The following SHISA9 variants were observed in gnomAD, a reference collection of about 807,000 sequenced individuals.
SHISA9 encodes the protein shisa family member 9.
A neutral mutation model predicts 38.0 loss-of-function variants in SHISA9; 13 were observed. The observed-to-expected ratio is 0.34, with a 90% CI of 0.22 to 0.54. The LOEUF (loss-of-function observed/expected upper bound fraction) is 0.54, where lower values mean the gene tolerates loss of function less well. SHISA9 is among the 20% of genes least tolerant of loss of function. The pLI is 0.91. For missense variants in SHISA9, 538 were observed against 575.8 expected, an observed-to-expected ratio of 0.93 and a Z score of 0.67; for synonymous variants, 275 against 242.0, an observed-to-expected ratio of 1.14 and a Z score of -1.27.
intron 1 of SHISA9, among the ~76,000 whole-genome samples, chr16:12,907,530 A>C (rs2071118935): frequency 6.6e-6 from 1 of 152,102 alleles, no homozygotes; most frequent in South Asian, 2.1e-4. Flanking sequence ...GCACAATTCC[A>C]TTATCACACC....
At chr16:13,464,203 T>C in the SHISA9 span, among the ~76,000 whole-genome samples, 3 of 152,234 alleles carry the variant, frequency 2.0e-5, no homozygotes, top group Non-Finnish European at 4.4e-5. Context: ...GTAAGTGTGC[T>C]ACCTAGCACT....
chr16:13,493,223 C>CA, the SHISA9 span, among the ~76,000 whole-genome samples: 42,701 of 151,392 alleles, frequency 0.28, 6,521 homozygotes, highest in East Asian at 0.37. Context: ...CACTCATCAT[C>CA]AGTTGGAGGA....
the SHISA9 span, among the ~76,000 whole-genome samples, chr16:13,454,595 A>G: frequency 6.6e-6 from 1 of 152,188 alleles, no homozygotes; most frequent in African/African-American, 2.4e-5. Context: ...CCGAAGTCAC[A>G]CAGATAGTGA....
chr16:13,499,315 T>G, the SHISA9 span, among the ~76,000 whole-genome samples: 1 of 152,148 alleles, frequency 6.6e-6, no homozygotes, highest in African/African-American at 2.4e-5. Flanking sequence ...AAGAAAGAGA[T>G]GGATTAAATC....
intron 2 of SHISA9, among the ~76,000 whole-genome samples, chr16:13,201,095 G>A (rs986286912): frequency 7.4e-6 from 1 of 135,400 alleles, no homozygotes; most frequent in Non-Finnish European, 1.6e-5. Flanking sequence ...GGGGCTCCAA[G>A]TAAAGTCCAG....
At chr16:13,360,740 G>T in the SHISA9 span, among the ~76,000 whole-genome samples, 1 of 152,164 alleles carries the variant, frequency 6.6e-6, no homozygotes, top group African/African-American at 2.4e-5. Flanking sequence ...AGGTGGAGCC[G>T]AGGAGCTTAG....
intron 2 of SHISA9, among the ~76,000 whole-genome samples, chr16:13,130,931 C>G (rs2050301085): frequency 6.6e-6 from 1 of 152,128 alleles, no homozygotes; most frequent in Non-Finnish European, 1.5e-5. Context: ...TCACACCAGT[C>G]AGAATGGGGA....
At chr16:13,210,741 G>A (rs561255263) in intron 3 of SHISA9, among the ~76,000 whole-genome samples, 29 of 152,276 alleles carry the variant, frequency 1.9e-4, no homozygotes, top group Middle Eastern at 3.4e-3. Context: ...AGTACCCCCC[G>A]TTTTGCAGAT....
chr16:13,263,703 T>G, the SHISA9 span, among the ~76,000 whole-genome samples: 1 of 152,174 alleles, frequency 6.6e-6, no homozygotes, highest in South Asian at 2.1e-4. Context: ...GACATATAAT[T>G]CCTACATGAC....
At chr16:13,061,207 A>G (rs553126023) in intron 2 of SHISA9, among the ~76,000 whole-genome samples, 4 of 152,320 alleles carry the variant, frequency 2.6e-5, no homozygotes, top group Non-Finnish European at 4.4e-5. Context: ...ACCTACTAGA[A>G]TAGTTATCTG....
chr16:13,129,691 C>A (rs2141985883), intron 2 of SHISA9, among the ~76,000 whole-genome samples: 1 of 152,280 alleles, frequency 6.6e-6, no homozygotes, highest in East Asian at 1.9e-4. Flanking sequence ...CTTTGGAGGG[C>A]TCAGAGGAGC....
chr16:12,906,786 C>T (rs537785626), intron 1 of SHISA9, among the ~76,000 whole-genome samples: 5 of 152,226 alleles, frequency 3.3e-5, no homozygotes, highest in South Asian at 2.1e-4. Context: ...GAGAATCCTG[C>T]GTTGTACGGG....
intron 2 of SHISA9, among the ~76,000 whole-genome samples, chr16:12,951,690 C>A (rs983519393): frequency 6.6e-6 from 1 of 152,098 alleles, no homozygotes; most frequent in Non-Finnish European, 1.5e-5. Context: ...ACCAGTGTGT[C>A]CTCTATAGTT....
intron 2 of SHISA9, among the ~76,000 whole-genome samples, chr16:12,997,726 C>T (rs2141838423): frequency 6.6e-6 from 1 of 152,244 alleles, no homozygotes; most frequent in African/African-American, 2.4e-5. Context: ...ATTTAAGGCC[C>T]TTCATCATCT....
chr16:13,080,037 T>A (rs1351979776), intron 2 of SHISA9, among the ~76,000 whole-genome samples: 1 of 151,970 alleles, frequency 6.6e-6, no homozygotes, highest in African/African-American at 2.4e-5. Context: ...CCAGGGAAAT[T>A]TTAGGCGTCT....
the SHISA9 span, among the ~76,000 whole-genome samples, chr16:13,279,183 G>A: frequency 4.6e-5 from 7 of 151,868 alleles, no homozygotes; most frequent in African/African-American, 1.2e-4. Flanking sequence ...GTTAATTTCC[G>A]TGTATTTGCG....
chr16:13,259,272 C>A, the SHISA9 span, among the ~76,000 whole-genome samples: 2 of 152,260 alleles, frequency 1.3e-5, no homozygotes, highest in Non-Finnish European at 2.9e-5. Context: ...CATGCTGATG[C>A]AAGAGGTAGG....
At chr16:13,051,576 T>C (rs1440082478) in intron 2 of SHISA9, among the ~76,000 whole-genome samples, 1 of 152,196 alleles carries the variant, frequency 6.6e-6, no homozygotes, top group Non-Finnish European at 1.5e-5. Flanking sequence ...ATTTTTTACT[T>C]CATGGAAATT....
intron 2 of SHISA9, among the ~76,000 whole-genome samples, chr16:13,015,575 G>A (rs1373779294): frequency 1.3e-5 from 2 of 152,142 alleles, no homozygotes; most frequent in Non-Finnish European, 2.9e-5. Context: ...TTGAACCAAT[G>A]CTTTTGAGCA....
Sources: allele counts gnomAD v4.1 joint callset (sites outside exome capture counted in the v4.1 genomes callset), GRCh38; gene constraint gnomAD v4.1.1; transcripts MANE v1.5; gene names NCBI Gene and HGNC (gene_info 2026-07-23, HGNC 2026-07-21).